Variants in ANKRD30A observed in about 807,000 individuals in gnomAD.
ANKRD30A encodes ankyrin repeat domain-containing protein 30A.
In ANKRD30A, 170 loss-of-function variants were observed where a neutral mutation model predicts 166.3. That is an observed-to-expected ratio of 1.02 (90% CI 0.90 to 1.16). The LOEUF (loss-of-function observed/expected upper bound fraction) is 1.16. ANKRD30A is among the 50% of genes most tolerant of loss of function. ANKRD30A has a pLI of 0.00. For synonymous variants in ANKRD30A, 564 were observed against 508.9 expected (o/e 1.11, Z -1.46); for missense variants, 1,630 against 1,518.0 (o/e 1.07, Z -1.23).
Position 37,141,771 on chromosome 10 carries a change from C to A in ANKRD30A, c.874C>A (p.Pro292Thr), listed in dbSNP as rs202090351. The A allele has an allele frequency of 1.1e-5, 18 of 1,611,934 alleles. No homozygotes were observed. The highest frequency in any genetic ancestry group is 1.3e-5 in the Non-Finnish European group (15 of 1,179,678). Residue 292 changes from proline (P) to threonine (T), a missense_variant, in exon 7 of 36, where the codon CCT (proline) becomes ACT (threonine). By Grantham distance (38) the Pro-to-Thr change is conservative. Around this residue, in one of 4 missense-constraint regions of ANKRD30A, gnomAD observed 904 missense variants for 818.5 expected, o/e 1.10. Coordinates refer to ENST00000361713, the MANE Select transcript of ANKRD30A (RefSeq NM_052997.3). Reference protein sequence around the residue: ...DEAAPLAERTPDTAESLVEKT... With the variant: ...DEAAPLAERTTDTAESLVEKT... Reference sequence around the variant, plus strand: ...GGCTGCACCCTTGGCGGAAAGAACACCTGACACAGCTGAAAGCTTGGTGGA... The same window carrying A: ...GGCTGCACCCTTGGCGGAAAGAACAACTGACACAGCTGAAAGCTTGGTGGA...
the ANKRD30A span, among the ~76,000 whole-genome samples, chr10:37,263,376 C>T: frequency 3.3e-5 from 5 of 151,780 alleles, no homozygotes; most frequent in African/African-American, 1.2e-4. Context: ...AAGAACATTA[C>T]GTTTATTATG....
At chr10:37,142,347 A>G in intron 7 of ANKRD30A, 57 bp downstream of exon 7, 1 of 1,481,674 alleles carries the variant, frequency 6.7e-7, no homozygotes, top group East Asian at 2.3e-5. Context: ...TCCCTAGTGA[A>G]AAAAGTGTGA....
At chr10:37,202,988 A>G (rs548276181) in intron 31 of ANKRD30A, among the ~76,000 whole-genome samples, 1 of 152,314 alleles carries the variant, frequency 6.6e-6, no homozygotes, top group East Asian at 1.9e-4. Context: ...TTGAGGCAAT[A>G]ATTAATAGCC....
intron 18 of ANKRD30A, among the ~76,000 whole-genome samples, chr10:37,165,435 G>A (rs141968594): frequency 3.0e-4 from 45 of 152,318 alleles, no homozygotes; most frequent in African/African-American, 1.0e-3. Flanking sequence ...TCTGGAGTAC[G>A]TTTGTCTAAA....
In ANKRD30A at chr10:37,145,701, T is replaced by C. The variant is rs1466405045; in HGVS notation, c.1455+645T>C. Among the ~76,000 whole-genome samples the C allele has an allele frequency of 2.8e-5, 4 of 144,118 alleles. No homozygotes were observed. The East Asian group carries it at 8.2e-4, about 30-fold the overall frequency. The allele number at this position is 144,118 out of a possible 152,430, so 94.5% of individuals were successfully genotyped here. ...TTACTCCGAGTTCATCTTTGGGCAA[T>C]TATATGACTCAGTGGTATATCTAGA... On this transcript the variant is annotated intron_variant, in intron 8 of 35. Transcript: ENST00000361713.
intron 32 of ANKRD30A, among the ~76,000 whole-genome samples, chr10:37,217,142 C>T (rs1842644707): frequency 6.6e-6 from 1 of 150,626 alleles, no homozygotes. Context: ...ACGTTTAAAG[C>T]ATTACTCAAA....
rs1842796914 is a variant in ANKRD30A, at chr10:37,219,754, A to C, written c.4042A>C (p.Ser1348Arg). The change falls in exon 34 of 36, where the codon AGC becomes CGC. Residue 1348 changes from serine to arginine, a missense_variant. Coordinates refer to ENST00000361713, the MANE Select transcript of ANKRD30A (RefSeq NM_052997.3). Reference sequence around the variant, plus strand: ...TGCACATAAGAAAGCTGACAACAAAAGCAAGATAACAATTGATATTCATTT... The same window carrying C: ...TGCACATAAGAAAGCTGACAACAAACGCAAGATAACAATTGATATTCATTT... Reference protein sequence around the residue: ...VHAHKKADNKSKITIDIHFLE... With the variant: ...VHAHKKADNKRKITIDIHFLE... 1 of 1,608,826 alleles carries C rather than the reference A, an allele frequency of 6.2e-7. No homozygotes were observed. The highest frequency in any genetic ancestry group is 1.3e-5 in the African/African-American group (1 of 74,466).
intron 15 of ANKRD30A, among the ~76,000 whole-genome samples, chr10:37,161,098 A>G (rs1172839090): frequency 6.6e-6 from 1 of 152,100 alleles, no homozygotes; most frequent in Non-Finnish European, 1.5e-5. Context: ...CTAAAAATAC[A>G]AAAAAATTAG....
At chr10:37,226,164 TG>T (rs1481133986) in intron 34 of ANKRD30A, among the ~76,000 whole-genome samples, 1 of 151,460 alleles carries the variant, frequency 6.6e-6, no homozygotes, top group Non-Finnish European at 1.5e-5. Context: ...CATGCAGGTT[TG>T]TTACATATGT....
intron 15 of ANKRD30A, among the ~76,000 whole-genome samples, chr10:37,161,461 T>G (rs1838863008): frequency 6.6e-6 from 1 of 152,124 alleles, no homozygotes; most frequent in African/African-American, 2.4e-5. Context: ...TCTGTTTTTA[T>G]TTTTTATTTA....
intron 19 of ANKRD30A, among the ~76,000 whole-genome samples, chr10:37,167,153 G>A (rs1173461014): frequency 3.3e-5 from 5 of 151,546 alleles, no homozygotes; most frequent in African/African-American, 9.7e-5. Context: ...AGCTCACTTC[G>A]GAAGCATTTA....
intron 18 of ANKRD30A, among the ~76,000 whole-genome samples, chr10:37,165,448 C>G (rs4084058): frequency 1.6e-4 from 25 of 152,302 alleles, no homozygotes; most frequent in Middle Eastern, 6.8e-3. Flanking sequence ...TGTCTAAAAG[C>G]AAAAGAATTA....
At chr10:37,210,298 C>T (rs1349859958) in intron 31 of ANKRD30A, among the ~76,000 whole-genome samples, 1 of 152,098 alleles carries the variant, frequency 6.6e-6, no homozygotes, top group Non-Finnish European at 1.5e-5. Context: ...GAATTCATAT[C>T]CTTTTTTATC....
Position 37,193,214 on chromosome 10 carries a change from C to T in ANKRD30A, c.2570C>T (p.Pro857Leu), listed in dbSNP as rs1201494462. The T allele has an allele frequency of 3.7e-6, 6 of 1,611,586 alleles. No homozygotes were observed. The highest frequency in any genetic ancestry group is 1.7e-5 in the Admixed American group (1 of 59,894). The change falls in exon 27 of 36, where the codon CCA (proline) becomes CTA (leucine). Residue 857 changes from proline (P) to leucine (L), a missense_variant. This residue lies in a region of ANKRD30A where 712 missense variants were observed against 629.3 expected (regional missense o/e 1.13). Transcript: ENST00000361713. ...CCCTGCAGAATGAAAGTTTCTATTCCAACTAAAGCCTTAGAATTGATGGAC... is the reference window on the plus strand; with the variant it reads ...CCCTGCAGAATGAAAGTTTCTATTCTAACTAAAGCCTTAGAATTGATGGAC... The part of the protein sequence containing the change: ...KAPCRMKVSI[P>L]TKALELMDMQ...
intron 19 of ANKRD30A, among the ~76,000 whole-genome samples, chr10:37,167,654 C>T (rs1198908460): frequency 1.3e-5 from 2 of 151,730 alleles, no homozygotes; most frequent in Non-Finnish European, 2.9e-5. Context: ...TGTACATCTT[C>T]CTGCATGAGT....
At chr10:37,131,979 T>C (rs1476254341) in intron 3 of ANKRD30A, among the ~76,000 whole-genome samples, 32 of 152,204 alleles carry the variant, frequency 2.1e-4, no homozygotes, top group Admixed American at 2.1e-3. Flanking sequence ...CAAGAAGCTC[T>C]TGGTTTAGAT....
At chr10:37,172,262 G>A (rs1839629890) in intron 21 of ANKRD30A, among the ~76,000 whole-genome samples, 1 of 109,192 alleles carries the variant, frequency 9.2e-6, no homozygotes, top group Non-Finnish European at 2.0e-5. Flanking sequence ...GTGGTCCTTG[G>A]AGCTTGGTCT....
chr10:37,193,594 G>A (rs1185630898), intron 27 of ANKRD30A, among the ~76,000 whole-genome samples: 6 of 151,992 alleles, frequency 3.9e-5, no homozygotes, highest in East Asian at 1.9e-4. Context: ...AAGGCTGATT[G>A]GAATTCTGAT....
At chr10:37,215,104 C>G (rs893951420) in intron 31 of ANKRD30A, among the ~76,000 whole-genome samples, 1 of 151,508 alleles carries the variant, frequency 6.6e-6, no homozygotes, top group African/African-American at 2.4e-5. Context: ...TACTTATCTT[C>G]TTGATTTTTA....
Sources: gnomAD v4.1 joint callset for allele counts (sites outside exome capture counted in the v4.1 genomes callset) on GRCh38, gnomAD v4.1.1 for gene constraint, gnomAD v4.1.1 regional missense constraint, MANE v1.5 for transcripts, NCBI Gene and HGNC (gene_info 2026-07-23, HGNC 2026-07-21) for gene names.